RAB7A: variants seen among roughly 807,000 people sequenced by gnomAD.
RAB7A encodes ras-related protein Rab-7a.
RAB7A carries 2 observed loss-of-function variants against 24.5 expected under a neutral mutation model. The observed-to-expected ratio is 0.08, with a 90% CI of 0.03 to 0.26. The LOEUF is 0.26. Among genes scored for constraint, RAB7A ranks in the 10% least tolerant of loss-of-function variants. The pLI, the probability that RAB7A is intolerant of heterozygous loss-of-function variation, is 1.00. For missense variants in RAB7A, 118 were observed against 255.7 expected (o/e 0.46, Z 3.67); for synonymous variants, 100 against 95.9 (o/e 1.04, Z -0.25).
intron 3 of RAB7A, among the ~76,000 whole-genome samples, chr3:128,803,078 G>A (rs888240294): frequency 1.3e-5 from 2 of 152,188 alleles, no homozygotes; most frequent in Admixed American, 6.5e-5. Flanking sequence ...CCAAAGTCCT[G>A]GGATTACAGG....
At chr3:128,784,106 A>G (rs1010121847) in intron 1 of RAB7A, among the ~76,000 whole-genome samples, 3 of 152,242 alleles carry the variant, frequency 2.0e-5, no homozygotes, top group Admixed American at 6.5e-5. Flanking sequence ...TCCTAGCACA[A>G]ACTAGTATTC....
At chr3:128,779,149 C>T (rs1576291424) in intron 1 of RAB7A, among the ~76,000 whole-genome samples, 1 of 152,268 alleles carries the variant, frequency 6.6e-6, no homozygotes, top group East Asian at 1.9e-4. Flanking sequence ...TACGGTGGCT[C>T]ACGCCTATAA....
At position 128,734,454 on chromosome 3, in the gene RAB7A, CAAAAAAAA is replaced by C. The variant is rs10524458; in HGVS notation, c.-9+8111_-9+8118del. Among the ~76,000 whole-genome samples, 5 of 86,890 alleles carry C rather than the reference CAAAAAAAA, an allele frequency of 5.8e-5. No individual in the cohort carries two copies. The South Asian group carries it at 1.0e-3, about 18-fold the overall frequency. 57.0% of individuals were successfully genotyped at this position (86,890 alleles called of 152,430 possible). On this transcript the variant is annotated intron_variant, in intron 1 of 5. Coordinates refer to ENST00000265062, the MANE Select transcript of RAB7A (RefSeq NM_004637.6). ...TGGGCGACAGAATGAGACCCTACCTCAAAAAAAAAAAAAAAAAAAAAAAGGAAAGAAAA... is the reference window on the plus strand; with the variant it reads ...TGGGCGACAGAATGAGACCCTACCTCAAAAAAAAAAAAAAAGGAAAGAAAA...
rs201407628 is a variant in RAB7A at position 128,797,978 on chromosome 3, A to G, written c.89A>G (p.Asn30Ser). 8.1e-6 allele frequency: 13 copies of G among 1,613,844 alleles called. No homozygotes were observed. The highest frequency in any genetic ancestry group is 1.0e-5 in the Non-Finnish European group (12 of 1,179,810). Residue 30 changes from asparagine (N) to serine (S), a missense_variant, in exon 3 of 6, where the codon AAT (asparagine) becomes AGT (serine). Physicochemically the swap from Asn to Ser is conservative, Grantham distance 46. Coordinates refer to ENST00000265062, the MANE Select transcript of RAB7A (RefSeq NM_004637.6). The stretch of plus-strand genomic sequence containing the variant: ...ACATCACTCATGAACCAGTATGTGA[A>G]TAAGAAATTCAGCAATCAGTACAAA... ...GKTSLMNQYVNKKFSNQYKAT... is the reference protein window; with the variant it reads ...GKTSLMNQYVSKKFSNQYKAT...
chr3:128,777,370 T>C (rs1232365351), intron 1 of RAB7A, among the ~76,000 whole-genome samples: 1 of 152,034 alleles, frequency 6.6e-6, no homozygotes, highest in Non-Finnish European at 1.5e-5. Flanking sequence ...AGGTTTTCTT[T>C]CTTTTGTTTT....
intron 1 of RAB7A, among the ~76,000 whole-genome samples, chr3:128,771,218 G>A (rs574074610): frequency 7.8e-4 from 119 of 152,178 alleles, no homozygotes; most frequent in African/African-American, 2.7e-3. Context: ...TGATCCGGCC[G>A]CCTCAGCCTC....
At chr3:128,732,038 CTT>C (rs372563051) in intron 1 of RAB7A, among the ~76,000 whole-genome samples, 1 of 142,376 alleles carries the variant, frequency 7.0e-6, no homozygotes, top group Non-Finnish European at 1.5e-5. Context: ...CTTCCACTAC[CTT>C]TTTTTTTTTT....
chr3:128,772,781 G>A (rs1274205689), intron 1 of RAB7A, among the ~76,000 whole-genome samples: 1 of 152,240 alleles, frequency 6.6e-6, no homozygotes, highest in Non-Finnish European at 1.5e-5. Flanking sequence ...TGGTGGAGAC[G>A]GGGTTTCGCT....
At chr3:128,774,174 T>C (rs1342501537) in intron 1 of RAB7A, among the ~76,000 whole-genome samples, 4 of 140,138 alleles carry the variant, frequency 2.9e-5, no homozygotes, top group Non-Finnish European at 4.6e-5. Flanking sequence ...TCCCCTAATA[T>C]ATGTATTAAC....
chr3:128,780,344 A>C (rs555349119), intron 1 of RAB7A, among the ~76,000 whole-genome samples: 2 of 152,158 alleles, frequency 1.3e-5, no homozygotes, highest in Non-Finnish European at 2.9e-5. Flanking sequence ...CCAGCAGGCC[A>C]TTTTTTTCAA....
At position 128,813,363 on chromosome 3, in the gene RAB7A, C is replaced by G; in HGVS notation, c.565C>G (p.Pro189Ala). ...EVELYNEFPE[P>A]IKLDKNDRAK... ...GGAGCTGTACAACGAATTTCCTGAA[C>G]CTATCAAACTGGACAAGAATGACCG... is the stretch of plus-strand genomic sequence containing the variant. The change falls in exon 6 of 6, where the codon CCT becomes GCT. Residue 189 changes from proline (P) to alanine (A), a missense_variant. By Grantham distance (27) the Pro-to-Ala change is conservative. Transcript: ENST00000265062. 1 of 1,614,196 alleles carries G rather than the reference C, an allele frequency of 6.2e-7. No homozygotes were observed. Among genetic ancestry groups the G allele is most frequent in the Non-Finnish European group, 8.5e-7 (1 of 1,180,014 alleles).
intron 1 of RAB7A, among the ~76,000 whole-genome samples, chr3:128,784,317 G>A (rs1933290403): frequency 6.6e-6 from 1 of 152,064 alleles, no homozygotes; most frequent in Non-Finnish European, 1.5e-5. Flanking sequence ...GACTTCCTTG[G>A]CGTTTTCCCT....
intron 1 of RAB7A, among the ~76,000 whole-genome samples, chr3:128,758,945 C>T (rs1232865929): frequency 6.6e-6 from 1 of 152,202 alleles, no homozygotes; most frequent in African/African-American, 2.4e-5. Flanking sequence ...AGGGGACTTA[C>T]TGTTCTAATG....
At chr3:128,783,929 C>T (rs1410559041) in intron 1 of RAB7A, among the ~76,000 whole-genome samples, 1 of 152,180 alleles carries the variant, frequency 6.6e-6, no homozygotes, top group Admixed American at 6.5e-5. Context: ...GCTGGTAGTG[C>T]TCTCTCCTTT....
intron 1 of RAB7A, among the ~76,000 whole-genome samples, chr3:128,733,732 C>T (rs1354669142): frequency 6.6e-6 from 1 of 152,188 alleles, no homozygotes; most frequent in East Asian, 1.9e-4. Flanking sequence ...CCTCACTTAA[C>T]CTCAGTTACT....
intron 1 of RAB7A, among the ~76,000 whole-genome samples, chr3:128,756,835 A>G (rs1559784384): frequency 6.6e-6 from 1 of 150,412 alleles, no homozygotes. Context: ...TCACCTTAGT[A>G]TTCGCTATCT....
At chr3:128,747,190 G>T (rs1441483814) in intron 1 of RAB7A, among the ~76,000 whole-genome samples, 2 of 151,550 alleles carry the variant, frequency 1.3e-5, no homozygotes, top group Non-Finnish European at 1.5e-5. Flanking sequence ...TACTTGTGAG[G>T]ATCAGGCAAG....
At chr3:128,787,828 G>A (rs1490983980) in intron 1 of RAB7A, among the ~76,000 whole-genome samples, 1 of 152,108 alleles carries the variant, frequency 6.6e-6, no homozygotes, top group Non-Finnish European at 1.5e-5. Context: ...TTCCCACCTC[G>A]GCCTGCCGAG....
At chr3:128,758,280 T>TG (rs1553718515) in intron 1 of RAB7A, among the ~76,000 whole-genome samples, 4 of 150,484 alleles carry the variant, frequency 2.7e-5, no homozygotes, top group Non-Finnish European at 5.9e-5. Context: ...TTTTGTTTTT[T>TG]TTTTTTTTTT....
Sources: allele counts gnomAD v4.1 joint callset (sites outside exome capture counted in the v4.1 genomes callset), GRCh38; gene constraint gnomAD v4.1.1; transcripts MANE v1.5; gene names NCBI Gene and HGNC (gene_info 2026-07-23, HGNC 2026-07-21).